Variants in ZDHHC20 observed in about 807,000 individuals in gnomAD.
ZDHHC20 encodes zDHHC palmitoyltransferase 20.
Under a neutral mutation model 57.8 loss-of-function variants are expected in ZDHHC20, and 43 were observed. The observed-to-expected ratio is 0.74, with a 90% CI of 0.58 to 0.96. ZDHHC20 has a LOEUF of 0.96. Ranked by LOEUF, ZDHHC20 falls within the 40% of genes least tolerant of loss-of-function variation. The pLI, the probability that ZDHHC20 is intolerant of heterozygous loss-of-function variation, is 0.00. For missense variants in ZDHHC20, 391 were observed against 441.1 expected (o/e 0.89, Z 1.02); for synonymous variants, 157 against 153.0 (o/e 1.03, Z -0.19).
In ZDHHC20 at chr13:21,445,450, A is replaced by G. The variant is rs1480528671; in HGVS notation, c.118+13604T>C. ...TGAACTGCCTCAGACTATATGTCAGACACACAACGGGCATACAATAAACAA... is the reference window on the plus strand; with the variant it reads ...TGAACTGCCTCAGACTATATGTCAGGCACACAACGGGCATACAATAAACAA... On this transcript the variant is annotated intron_variant, in intron 1 of 12. Coordinates refer to ENST00000400590, the MANE Select transcript of ZDHHC20 (RefSeq NM_001330059.2). Among the ~76,000 whole-genome samples the G allele has an allele frequency of 3.3e-5, 5 of 152,356 alleles. No homozygotes were observed. In the East Asian group the frequency reaches 7.7e-4, roughly 24 times the overall value.
chr13:21,415,665 G>T (rs187239691), intron 3 of ZDHHC20, among the ~76,000 whole-genome samples: 126 of 152,250 alleles, frequency 8.3e-4, no homozygotes, highest in African/African-American at 3.0e-3. Context: ...TCTTTTAAGA[G>T]AATTTTAACT....
At chr13:21,403,631 GAAAGAAGC>G (rs1878025965) in intron 4 of ZDHHC20, among the ~76,000 whole-genome samples, 1 of 152,176 alleles carries the variant, frequency 6.6e-6, no homozygotes, top group African/African-American at 2.4e-5. Flanking sequence ...AAATGAAATT[GAAAGAAGC>G]AAGTTAGTGA....
chr13:21,410,139 C>T (rs550256791), intron 4 of ZDHHC20, among the ~76,000 whole-genome samples: 13 of 152,290 alleles, frequency 8.5e-5, no homozygotes, highest in African/African-American at 3.1e-4. Context: ...AACAGTCAGG[C>T]CCCTCTTCTG....
chr13:21,406,237 G>A (rs1720364350), intron 4 of ZDHHC20, among the ~76,000 whole-genome samples: 1 of 151,972 alleles, frequency 6.6e-6, no homozygotes, highest in Admixed American at 6.6e-5. Flanking sequence ...TCTGACTTTT[G>A]GGCCCTGGGA....
At chr13:21,449,428 T>A (rs1222788223) in intron 1 of ZDHHC20, among the ~76,000 whole-genome samples, 1 of 152,030 alleles carries the variant, frequency 6.6e-6, no homozygotes, top group Non-Finnish European at 1.5e-5. Context: ...CTCTTCTCCA[T>A]GTGGTCTCTC....
chr13:21,448,190 T>G (rs1438526481), intron 1 of ZDHHC20, among the ~76,000 whole-genome samples: 1 of 62,448 alleles, frequency 1.6e-5, no homozygotes, highest in Non-Finnish European at 3.7e-5. Flanking sequence ...GGGAGGGAGG[T>G]GGGGGGGGTC....
chr13:21,441,505 C>T (rs926880647), intron 1 of ZDHHC20, among the ~76,000 whole-genome samples: 1 of 149,302 alleles, frequency 6.7e-6, no homozygotes, highest in Non-Finnish European at 1.5e-5. Context: ...CTTGACTCAG[C>T]CTCCCAAGTA....
intron 3 of ZDHHC20, 62 bp downstream of exon 3, chr13:21,420,996 ACAC>A: frequency 7.6e-7 from 1 of 1,314,580 alleles, no homozygotes; most frequent in Non-Finnish European, 1.1e-6. Context: ...AACAAAGGTA[ACAC>A]AAGGGAAAAA....
intron 7 of ZDHHC20, among the ~76,000 whole-genome samples, chr13:21,398,403 G>A (rs1203702606): frequency 6.6e-6 from 1 of 151,746 alleles, no homozygotes; most frequent in Non-Finnish European, 1.5e-5. Flanking sequence ...GGCGGAGCTG[G>A]CAGTGAGCCA....
chr13:21,391,899 T>C (rs200173855), intron 7 of ZDHHC20, 45 bp from the exon 8 acceptor site: 2 of 1,574,008 alleles, frequency 1.3e-6, no homozygotes, highest in East Asian at 2.3e-5. Flanking sequence ...CTCTAAAATA[T>C]AACTTACAAG....
At chr13:21,388,716 C>T (rs1204151939) in intron 8 of ZDHHC20, among the ~76,000 whole-genome samples, 1 of 152,198 alleles carries the variant, frequency 6.6e-6, no homozygotes, top group Admixed American at 6.5e-5. Context: ...TGAGGCCTAA[C>T]ATCTTAAATC....
At position 21,459,093 on chromosome 13, in the gene ZDHHC20, C is replaced by G. The variant is rs764283818; in HGVS notation, c.79G>C (p.Val27Leu). Residue 27 changes from valine to leucine, a missense_variant, in exon 1 of 13, where the codon GTC (valine) becomes CTC (leucine). Transcript: ENST00000400590. ...VPVLFITFVVVWSYYAYVVEL... is the reference protein window; with the variant it reads ...VPVLFITFVVLWSYYAYVVEL... ...ACCACGTACGCGTAGTAGGACCAGACGACCACGAAGGTGATGAAGAGCACC... is the reference window on the plus strand; with the variant it reads ...ACCACGTACGCGTAGTAGGACCAGAGGACCACGAAGGTGATGAAGAGCACC... 6.2e-7 allele frequency: 1 copy of G among 1,606,664 alleles called. No homozygotes were observed. Among genetic ancestry groups the G allele is most frequent in the South Asian group, 1.1e-5 (1 of 90,088 alleles).
intron 1 of ZDHHC20, among the ~76,000 whole-genome samples, chr13:21,434,929 T>C (rs1882390027): frequency 6.6e-6 from 1 of 152,256 alleles, no homozygotes; most frequent in Admixed American, 6.5e-5. Context: ...TGTTTATTTG[T>C]GGAAGTTTAT....
At chr13:21,383,481 G>A (rs528234643) in intron 9 of ZDHHC20, among the ~76,000 whole-genome samples, 3 of 151,660 alleles carry the variant, frequency 2.0e-5, no homozygotes, top group African/African-American at 7.3e-5. Flanking sequence ...ACCCAGTTTC[G>A]GGTATGTCTT....
chr13:21,425,771 TC>T (rs1881177791), intron 1 of ZDHHC20, 93 bp from the exon 2 acceptor site: 1 of 821,122 alleles, frequency 1.2e-6, no homozygotes, highest in Non-Finnish European at 1.6e-6. Flanking sequence ...AATATCATTT[TC>T]AAAAAAATAA....
intron 1 of ZDHHC20, among the ~76,000 whole-genome samples, chr13:21,430,564 C>CA (rs1461232881): frequency 6.6e-6 from 1 of 151,958 alleles, no homozygotes; most frequent in Non-Finnish European, 1.5e-5. Context: ...GCTCAATACT[C>CA]AGTCTTTGCT....
At chr13:21,397,275 G>A (rs1022076354) in intron 7 of ZDHHC20, among the ~76,000 whole-genome samples, 1 of 151,466 alleles carries the variant, frequency 6.6e-6, no homozygotes, top group Non-Finnish European at 1.5e-5. Flanking sequence ...GCAGTGAGCC[G>A]AGATTGTGCC....
rs1209221391 is a variant in ZDHHC20, at chr13:21,373,311, A to G, written c.*3385T>C. 2 of 152,218 alleles carry G rather than the reference A, an allele frequency of 1.3e-5. No homozygotes were observed. Among genetic ancestry groups the G allele is most frequent in the African/African-American group, 2.4e-5 (1 of 41,460 alleles). 9.4% of individuals were successfully genotyped at this position (152,218 alleles called of 1,614,324 possible). A position where few individuals can be genotyped will look rare whatever the true frequency, so the allele number is the denominator to read the frequency against. ...TTTAAAGATAACTGAAAGATCTCAC[A>G]TGCCTGATAATCCTTAATTTAAACC... On this transcript the variant is annotated 3_prime_UTR_variant, in exon 13 of 13. Transcript: ENST00000400590.
intron 1 of ZDHHC20, among the ~76,000 whole-genome samples, chr13:21,445,345 G>A (rs1883585902): frequency 6.6e-6 from 1 of 152,024 alleles, no homozygotes; most frequent in African/African-American, 2.4e-5. Context: ...TTTAACCTAT[G>A]AGTCTTTGTT....
Sources: gnomAD v4.1 joint callset for allele counts (sites outside exome capture counted in the v4.1 genomes callset) on GRCh38, gnomAD v4.1.1 for gene constraint, MANE v1.5 for transcripts, NCBI Gene and HGNC (gene_info 2026-07-23, HGNC 2026-07-21) for gene names.